The following PDE1A variants were observed in gnomAD, a reference collection of about 807,000 sequenced individuals.
The protein encoded by PDE1A is phosphodiesterase 1A.
In PDE1A, 35 loss-of-function variants were observed where a neutral mutation model predicts 61.7. That is an observed-to-expected ratio of 0.57 (90% confidence interval 0.43 to 0.75). PDE1A has a LOEUF of 0.75. PDE1A is among the 30% of genes least tolerant of loss of function. The pLI is 0.00. For synonymous variants in PDE1A, 232 were observed against 213.2 expected, an observed-to-expected ratio of 1.09 and a Z score of -0.77; for missense variants, 597 against 630.6, an observed-to-expected ratio of 0.95 and a Z score of 0.57.
rs554633117 is a variant in PDE1A, at chr2:182,297,846, C to T, written c.54-33432G>A. Among the ~76,000 whole-genome samples, 6 of 152,316 alleles carry T rather than the reference C, an allele frequency of 3.9e-5. No individual in the cohort carries two copies. In the East Asian group the frequency reaches 1.2e-3, roughly 29 times the overall value. ...ATGGTATAACTCTGAGGTGTGTGTTCCATACTGTTTCCTAGAGTTCCCCAG... is the reference window on the plus strand; with the variant it reads ...ATGGTATAACTCTGAGGTGTGTGTTTCATACTGTTTCCTAGAGTTCCCCAG... On this transcript the variant is annotated intron_variant, in intron 1 of 13. Coordinates refer to ENST00000351439, the Ensembl canonical transcript of PDE1A.
chr2:182,409,416 C>T (rs1263963395), intron 1 of PDE1A, among the ~76,000 whole-genome samples: 3 of 152,130 alleles, frequency 2.0e-5, no homozygotes, highest in Admixed American at 1.3e-4. Context: ...TTATCTAGCA[C>T]CTATTAGGTA....
chr2:182,324,737 C>T (rs1696933280), intron 1 of PDE1A, among the ~76,000 whole-genome samples: 1 of 151,952 alleles, frequency 6.6e-6, no homozygotes, highest in East Asian at 1.9e-4. Context: ...TTTTTTTGTT[C>T]CCCCAGCATA....
At chr2:182,379,143 G>GT (rs921212248) in intron 1 of PDE1A, among the ~76,000 whole-genome samples, 1 of 152,036 alleles carries the variant, frequency 6.6e-6, no homozygotes, top group Non-Finnish European at 1.5e-5. Flanking sequence ...AACAACTTCC[G>GT]TTTTTTCAAC....
At chr2:182,614,553 CTTT>C in the PDE1A span, among the ~76,000 whole-genome samples, 6 of 112,602 alleles carry the variant, frequency 5.3e-5, no homozygotes, top group Non-Finnish European at 1.8e-5. Flanking sequence ...ACTAGCATAT[CTTT>C]TTTTTTTTTT....
chr2:182,274,169 A>T (rs112800342), intron 1 of PDE1A, among the ~76,000 whole-genome samples: 1 of 151,964 alleles, frequency 6.6e-6, no homozygotes, highest in African/African-American at 2.4e-5. Flanking sequence ...CAAAGGCCCA[A>T]CCTCCTACCG....
intron 1 of PDE1A, among the ~76,000 whole-genome samples, chr2:182,377,741 A>T (rs1700494903): frequency 1.3e-5 from 2 of 152,246 alleles, no homozygotes; most frequent in Admixed American, 6.5e-5. Flanking sequence ...AAATATGTTC[A>T]TAGTAGCTTT....
At chr2:182,515,659 G>T (rs1221211855) in intron 2 of PDE1A, among the ~76,000 whole-genome samples, 1 of 152,184 alleles carries the variant, frequency 6.6e-6, no homozygotes, top group African/African-American at 2.4e-5. Flanking sequence ...TTAAAAGACA[G>T]ATTTTTAATA....
intron 2 of PDE1A, among the ~76,000 whole-genome samples, chr2:182,448,411 A>G (rs1685280596): frequency 6.6e-6 from 1 of 151,968 alleles, no homozygotes; most frequent in Admixed American, 6.6e-5. Flanking sequence ...CTTTTAACTT[A>G]TGTTTCCCTT....
intron 2 of PDE1A, among the ~76,000 whole-genome samples, chr2:182,512,499 A>G (rs1465191855): frequency 1.3e-5 from 2 of 152,228 alleles, no homozygotes; most frequent in Non-Finnish European, 2.9e-5. Context: ...GCTTACACAG[A>G]TAAGAAAGAA....
the PDE1A span, among the ~76,000 whole-genome samples, chr2:182,529,757 C>G: frequency 1.3e-5 from 2 of 152,154 alleles, no homozygotes; most frequent in Non-Finnish European, 2.9e-5. Flanking sequence ...GAATAAGTCT[C>G]AAGAGATCTG....
chr2:182,674,910 C>A, the PDE1A span, among the ~76,000 whole-genome samples: 2 of 152,082 alleles, frequency 1.3e-5, no homozygotes, highest in East Asian at 3.9e-4. Context: ...ATTTAATGGG[C>A]CATTTGATTT....
intron 1 of PDE1A, among the ~76,000 whole-genome samples, chr2:182,295,055 A>ATTT (rs1559306033): frequency 2.2e-4 from 17 of 76,758 alleles, no homozygotes; most frequent in African/African-American, 3.9e-4. Flanking sequence ...ATAAAAGGTA[A>ATTT]TCTTTTTTTT....
At chr2:182,207,696 G>T (rs556250246) in intron 7 of PDE1A, among the ~76,000 whole-genome samples, 1 of 152,326 alleles carries the variant, frequency 6.6e-6, no homozygotes, top group South Asian at 2.1e-4. Flanking sequence ...CCCAGACAAT[G>T]GGGAAGATGT....
chr2:182,612,223 G>A, the PDE1A span, among the ~76,000 whole-genome samples: 1 of 152,114 alleles, frequency 6.6e-6, no homozygotes. Flanking sequence ...TGTGAATCAT[G>A]TATTAAAGGC....
intron 1 of PDE1A, among the ~76,000 whole-genome samples, chr2:182,284,659 G>GA (rs1396018181): frequency 6.6e-6 from 1 of 151,988 alleles, no homozygotes; most frequent in African/African-American, 2.4e-5. Context: ...TAAGTCAACA[G>GA]AAAATATAGA....
the PDE1A span, among the ~76,000 whole-genome samples, chr2:182,644,128 T>TACACACACACACACAC: frequency 0.033 from 4,215 of 129,302 alleles, 139 homozygotes; most frequent in East Asian, 0.06. Flanking sequence ...AATCAATGAT[T>TACACACACACACACAC]ACACACACAC....
At chr2:182,532,963 A>AAAAAAC in the PDE1A span, among the ~76,000 whole-genome samples, 3 of 149,400 alleles carry the variant, frequency 2.0e-5, no homozygotes, top group African/African-American at 7.4e-5. Flanking sequence ...AAAAAAAAAA[A>AAAAAAC]AAAAAAAAAA....
At chr2:182,242,985 T>C (rs985023386) in intron 2 of PDE1A, among the ~76,000 whole-genome samples, 12 of 150,878 alleles carry the variant, frequency 8.0e-5, no homozygotes, top group African/African-American at 2.9e-4. Flanking sequence ...AAATCATCTT[T>C]CCATCATTTA....
At chr2:182,159,460 AGAAATC>A (rs2125293897) in intron 13 of PDE1A, among the ~76,000 whole-genome samples, 1 of 152,368 alleles carries the variant, frequency 6.6e-6, no homozygotes, top group Non-Finnish European at 1.5e-5. Flanking sequence ...GAAAGGTGAT[AGAAATC>A]ACCTATCAAG....
Sources: gnomAD v4.1 joint callset for allele counts (sites outside exome capture counted in the v4.1 genomes callset) on GRCh38, gnomAD v4.1.1 for gene constraint, MANE v1.5 for transcripts, NCBI Gene and HGNC (gene_info 2026-07-23, HGNC 2026-07-21) for gene names.